The following GNB4 variants were observed in gnomAD, a reference collection of about 807,000 sequenced individuals.
The protein encoded by GNB4 is guanine nucleotide-binding protein subunit beta-4.
In GNB4, 28 loss-of-function variants were observed where a neutral mutation model predicts 45.2. That is an observed-to-expected ratio of 0.62 (90% CI 0.46 to 0.85). The LOEUF (loss-of-function observed/expected upper bound fraction) is 0.85. Among genes scored for constraint, GNB4 ranks in the 40% least tolerant of loss-of-function variants. The probability of loss-of-function intolerance (pLI) is 0.00; values close to 1 mark genes in which losing one functional copy is unlikely to be tolerated. For missense variants in GNB4, 321 were observed against 425.4 expected (o/e 0.75, Z 2.16); for synonymous variants, 132 against 143.7 (o/e 0.92, Z 0.58).
At chr3:179,464,396 C>G in the GNB4 span, 45 of 1,211,612 alleles carry the variant, frequency 3.7e-5, no homozygotes, top group South Asian at 5.2e-4. Flanking sequence ...TGCTGCAGCC[C>G]GTGCACAGCT....
At chr3:179,488,058 A>G in the GNB4 span, among the ~76,000 whole-genome samples, 8 of 151,896 alleles carry the variant, frequency 5.3e-5, no homozygotes. Context: ...CTCAAAAAAA[A>G]AAAAAATCCA....
chr3:179,459,239 G>A, the GNB4 span, among the ~76,000 whole-genome samples: 1 of 151,460 alleles, frequency 6.6e-6, no homozygotes, highest in Non-Finnish European at 1.5e-5. Context: ...TGTGCTCACT[G>A]TGCAAATGAA....
intron 8 of GNB4, among the ~76,000 whole-genome samples, chr3:179,409,689 A>AG (rs1173958431): frequency 6.6e-6 from 1 of 151,900 alleles, no homozygotes; most frequent in Non-Finnish European, 1.5e-5. Flanking sequence ...GTGCGCCTGT[A>AG]GTCTCAGTTA....
chr3:179,428,593 C>T (rs1369181161), intron 1 of GNB4, among the ~76,000 whole-genome samples: 3 of 152,144 alleles, frequency 2.0e-5, no homozygotes, highest in Non-Finnish European at 2.9e-5. Context: ...GTTTACATCC[C>T]TCCTACTAAC....
chr3:179,437,045 G>A (rs1042366253), intron 1 of GNB4, among the ~76,000 whole-genome samples: 1 of 152,210 alleles, frequency 6.6e-6, no homozygotes, highest in Admixed American at 6.5e-5. Context: ...TTAGGCCCAG[G>A]TCTCAAGGAG....
chr3:179,449,284 T>C (rs1715811619), intron 1 of GNB4, among the ~76,000 whole-genome samples: 1 of 152,218 alleles, frequency 6.6e-6, no homozygotes, highest in African/African-American at 2.4e-5. Flanking sequence ...CACTGTGCCC[T>C]GGCAAAAGGG....
the GNB4 span, among the ~76,000 whole-genome samples, chr3:179,520,633 G>C: frequency 1.3e-5 from 2 of 151,934 alleles, no homozygotes; most frequent in Admixed American, 1.3e-4. Context: ...TATACTTTCT[G>C]CTCCCCGGCT....
intron 1 of GNB4, among the ~76,000 whole-genome samples, chr3:179,435,131 T>C (rs1389269258): frequency 2.6e-5 from 4 of 152,188 alleles, no homozygotes; most frequent in Admixed American, 2.6e-4. Context: ...AGTTCAGATT[T>C]GAATCCAGGC....
upstream of GNB4, chr3:179,451,624 C>A (rs1352318485): frequency 6.6e-6 from 1 of 151,178 alleles, no homozygotes; most frequent in Non-Finnish European, 1.5e-5. Flanking sequence ...GCAGCCCGGG[C>A]GGGGGGCGAA....
At chr3:179,460,117 G>A in the GNB4 span, among the ~76,000 whole-genome samples, 1 of 152,192 alleles carries the variant, frequency 6.6e-6, no homozygotes, top group Non-Finnish European at 1.5e-5. Flanking sequence ...GAATCAGAAT[G>A]ACATTAATCC....
the GNB4 span, among the ~76,000 whole-genome samples, chr3:179,513,487 A>G: frequency 3.3e-5 from 5 of 152,112 alleles, no homozygotes; most frequent in Admixed American, 6.5e-5. Flanking sequence ...TCTGGCCTAC[A>G]ACATTTTTTT....
rs780807699 is a variant in GNB4, at chr3:179,426,227, T to G, written c.-27A>C. The G allele has an allele frequency of 1.9e-6, 3 of 1,554,366 alleles. No homozygotes were observed. The highest frequency in any genetic ancestry group is 1.4e-5 in the African/African-American group (1 of 72,132). On this transcript the variant is annotated 5_prime_UTR_variant, in exon 2 of 10. Transcript: ENST00000232564. ...TTTTCAATTTGTTTACCTCAGGAGCTAATGAGTGAAAACAGCTGTTAAAAA... is the reference window on the plus strand; with the variant it reads ...TTTTCAATTTGTTTACCTCAGGAGCGAATGAGTGAAAACAGCTGTTAAAAA...
the GNB4 span, among the ~76,000 whole-genome samples, chr3:179,467,492 G>C: frequency 1.3e-5 from 2 of 152,044 alleles, no homozygotes; most frequent in Non-Finnish European, 2.9e-5. Context: ...CTAGACTCTG[G>C]GGATTACAGA....
the GNB4 span, among the ~76,000 whole-genome samples, chr3:179,486,570 A>G: frequency 6.6e-6 from 1 of 152,226 alleles, no homozygotes; most frequent in African/African-American, 2.4e-5. Flanking sequence ...TAGTAAACCA[A>G]TGAGCCACCA....
At chr3:179,405,099 C>G (rs879392677) in intron 9 of GNB4, 91 bp downstream of exon 9, 2 of 871,586 alleles carry the variant, frequency 2.3e-6, no homozygotes, top group African/African-American at 1.7e-5. Flanking sequence ...TTCCACAACT[C>G]CAAGATGTCC....
chr3:179,472,115 C>T, the GNB4 span, among the ~76,000 whole-genome samples: 2 of 151,640 alleles, frequency 1.3e-5, no homozygotes, highest in African/African-American at 4.8e-5. Context: ...GGTAAACTCA[C>T]AAAATGAAAA....
At chr3:179,417,544 A>AT (rs996771578) in intron 4 of GNB4, among the ~76,000 whole-genome samples, 3 of 152,072 alleles carry the variant, frequency 2.0e-5, no homozygotes, top group African/African-American at 7.2e-5. Context: ...AATAGCTGGC[A>AT]TAACAGGTGT....
intron 8 of GNB4, among the ~76,000 whole-genome samples, chr3:179,407,427 C>T (rs1002915215): frequency 6.6e-6 from 1 of 152,182 alleles, no homozygotes; most frequent in Non-Finnish European, 1.5e-5. Flanking sequence ...CCACTGCACT[C>T]CAGCCTGGGT....
chr3:179,411,528 C>A (rs1006699684), intron 8 of GNB4, among the ~76,000 whole-genome samples: 23 of 145,558 alleles, frequency 1.6e-4, no homozygotes, highest in African/African-American at 5.8e-4. Context: ...TGAAAAAAAA[C>A]CACACGAACA....
Sources: allele counts gnomAD v4.1 joint callset (sites outside exome capture counted in the v4.1 genomes callset), GRCh38; gene constraint gnomAD v4.1.1; transcripts MANE v1.5; gene names NCBI Gene and HGNC (gene_info 2026-07-23, HGNC 2026-07-21).